AGPS: variants seen among roughly 807,000 people sequenced by gnomAD.
AGPS encodes alkylglycerone phosphate synthase, also known as alkyldihydroxyacetonephosphate synthase, peroxisomal.
AGPS carries 26 observed loss-of-function variants against 90.7 expected under a neutral mutation model. The observed-to-expected ratio is 0.29, with a 90% confidence interval of 0.21 to 0.40. AGPS has a LOEUF of 0.40. Among genes scored for constraint, AGPS ranks in the 10% least tolerant of loss-of-function variants. AGPS has a pLI of 1.00. For missense variants in AGPS, 540 were observed against 816.1 expected, an observed-to-expected ratio of 0.66 and a Z score of 4.12; for synonymous variants, 294 against 285.3, an observed-to-expected ratio of 1.03 and a Z score of -0.31.
chr2:177,458,577 GCTA>G (rs1687190554), intron 8 of AGPS, among the ~76,000 whole-genome samples: 1 of 152,130 alleles, frequency 6.6e-6, no homozygotes, highest in Admixed American at 6.5e-5. Flanking sequence ...ATTCACAATT[GCTA>G]CTAAGAGAAT....
At chr2:177,487,821 C>T (rs531605693) in intron 11 of AGPS, among the ~76,000 whole-genome samples, 16 of 152,150 alleles carry the variant, frequency 1.1e-4, no homozygotes, top group African/African-American at 3.4e-4. Flanking sequence ...CTACCAGAAG[C>T]CACTCAGAAC....
At chr2:177,439,059 C>T (rs1301326365) in intron 5 of AGPS, among the ~76,000 whole-genome samples, 5 of 152,008 alleles carry the variant, frequency 3.3e-5, no homozygotes, top group African/African-American at 1.2e-4. Flanking sequence ...AATCGGAATT[C>T]TATGTGTTGC....
chr2:177,518,092 C>T (rs1689072836), intron 17 of AGPS, among the ~76,000 whole-genome samples: 1 of 152,090 alleles, frequency 6.6e-6, no homozygotes, highest in Admixed American at 6.5e-5. Context: ...GTGGTACCTG[C>T]CAGGTTTCTC....
chr2:177,485,258 TTTG>T (rs1688061748), intron 11 of AGPS, among the ~76,000 whole-genome samples: 1 of 152,212 alleles, frequency 6.6e-6, no homozygotes, highest in African/African-American at 2.4e-5. Flanking sequence ...GTGTGCATAT[TTTG>T]TTTTCTTGAT....
Position 177,521,290 on chromosome 2 carries a change from A to T in AGPS, c.1719A>T (p.Ala573=), listed in dbSNP as rs771009367. 4 of 1,614,144 alleles carry T rather than the reference A, an allele frequency of 2.5e-6. No homozygotes were observed. Among genetic ancestry groups the T allele is most frequent in the Non-Finnish European group, 1.7e-6 (2 of 1,179,964 alleles). Residue 573 remains alanine (A), a synonymous_variant, in exon 18 of 20, where the codon GCA becomes GCT. Coordinates refer to ENST00000264167, the MANE Select transcript of AGPS (RefSeq NM_003659.4). ...TTAGGGTGACGCAGACTTACGATGC[A>T]GGTGCTTGTATCTACTTCTATTTTG... ...STCRVTQTYD[A]GACIYFYFAF... is the part of the protein sequence containing the mutation.
intron 18 of AGPS, among the ~76,000 whole-genome samples, chr2:177,523,540 G>T (rs1689262099): frequency 6.6e-6 from 1 of 152,092 alleles, no homozygotes; most frequent in African/African-American, 2.4e-5. Flanking sequence ...TTTAGACATT[G>T]TGACTATTCA....
At chr2:177,406,597 A>G (rs942048227) in intron 1 of AGPS, among the ~76,000 whole-genome samples, 2 of 152,234 alleles carry the variant, frequency 1.3e-5, no homozygotes, top group African/African-American at 4.8e-5. Flanking sequence ...GTGAAAATGT[A>G]GAGTGGTGCT....
chr2:177,433,839 G>C (rs1427618812), intron 2 of AGPS, among the ~76,000 whole-genome samples: 1 of 151,900 alleles, frequency 6.6e-6, no homozygotes, highest in African/African-American at 2.4e-5. Flanking sequence ...ATGCTATTCA[G>C]AGTCAGCCAG....
chr2:177,396,640 G>T (rs1207827957), intron 1 of AGPS, among the ~76,000 whole-genome samples: 1 of 152,194 alleles, frequency 6.6e-6, no homozygotes, highest in Non-Finnish European at 1.5e-5. Context: ...GGAGGCTGTT[G>T]TAACACAATA....
Position 177,393,278 on chromosome 2 carries a change from G to T in AGPS, c.260+229G>T, listed in dbSNP as rs549864171. 1.3e-5 allele frequency: 13 copies of T among 985,386 alleles called. No individual in the cohort carries two copies. In the South Asian group the frequency reaches 6.1e-4, roughly 46 times the overall value. 61.0% of individuals were successfully genotyped at this position (985,386 alleles called of 1,614,324 possible). A position where few individuals can be genotyped will look rare whatever the true frequency, so the allele number is the denominator to read the frequency against. On this transcript the variant is annotated intron_variant, in intron 1 of 19. Coordinates refer to ENST00000264167, the MANE Select transcript of AGPS (RefSeq NM_003659.4). ...TTTTGGTCACTATGTGAGGGTAACAGGCTTGAAGAACTCTCGTTGGAGAAG... is the reference window on the plus strand; with the variant it reads ...TTTTGGTCACTATGTGAGGGTAACATGCTTGAAGAACTCTCGTTGGAGAAG...
rs888201622 is a variant in AGPS, at chr2:177,423,671, A to G, written c.350+3313A>G. 2.0e-5 allele frequency among the ~76,000 whole-genome samples: 3 copies of G among 152,216 alleles called. No individual in the cohort carries two copies. In the East Asian group the frequency reaches 5.8e-4, roughly 29 times the overall value. On this transcript the variant is annotated intron_variant, in intron 2 of 19. Coordinates refer to ENST00000264167, the MANE Select transcript of AGPS (RefSeq NM_003659.4). ...ATGTAGTTGATTGTCTATATTTTGC[A>G]GGAGGGCGACTTTGACATTTCAAGC...
At chr2:177,485,234 G>C (rs1173840760) in intron 11 of AGPS, among the ~76,000 whole-genome samples, 1 of 152,104 alleles carries the variant, frequency 6.6e-6, no homozygotes, top group Non-Finnish European at 1.5e-5. Flanking sequence ...CACTCATAAA[G>C]CTTTTGATTA....
intron 3 of AGPS, among the ~76,000 whole-genome samples, chr2:177,435,285 A>C (rs972495281): frequency 1.3e-5 from 2 of 151,916 alleles, no homozygotes; most frequent in Non-Finnish European, 2.9e-5. Context: ...AAAAATCCAC[A>C]GTTATTTTAC....
At chr2:177,444,420 CAA>C (rs10618529) in intron 7 of AGPS, among the ~76,000 whole-genome samples, 29,995 of 90,218 alleles carry the variant, frequency 0.33, 2,642 homozygotes, top group East Asian at 0.42. Context: ...GACTCTGTCT[CAA>C]AAAAAAAAAA....
chr2:177,431,836 G>A (rs1407271333), intron 2 of AGPS, among the ~76,000 whole-genome samples: 2 of 152,104 alleles, frequency 1.3e-5, no homozygotes, highest in African/African-American at 4.8e-5. Flanking sequence ...AAACACACAT[G>A]TTTTACAGTC....
At chr2:177,397,139 ATCTTG>A (rs1685203205) in intron 1 of AGPS, among the ~76,000 whole-genome samples, 1 of 151,976 alleles carries the variant, frequency 6.6e-6, no homozygotes. Flanking sequence ...GGGTTTCACC[ATCTTG>A]GCCAGGCTGG....
At chr2:177,444,174 A>G (rs1371858996) in intron 7 of AGPS, among the ~76,000 whole-genome samples, 1 of 152,114 alleles carries the variant, frequency 6.6e-6, no homozygotes, top group Non-Finnish European at 1.5e-5. Context: ...TAATCCCAGC[A>G]CTTTGGGAGG....
chr2:177,449,643 T>TC (rs1686876573), intron 8 of AGPS, among the ~76,000 whole-genome samples: 1 of 152,198 alleles, frequency 6.6e-6, no homozygotes, highest in Admixed American at 6.5e-5. Context: ...CCCAGGCTGT[T>TC]CCTGAACTCC....
At chr2:177,415,230 T>C (rs1685753570) in intron 1 of AGPS, among the ~76,000 whole-genome samples, 1 of 152,218 alleles carries the variant, frequency 6.6e-6, no homozygotes, top group African/African-American at 2.4e-5. Context: ...CCAGCTACTC[T>C]TACAAACAAT....
Sources: gnomAD v4.1 joint callset for allele counts (sites outside exome capture counted in the v4.1 genomes callset) on GRCh38, gnomAD v4.1.1 for gene constraint, MANE v1.5 for transcripts, NCBI Gene and HGNC (gene_info 2026-07-23, HGNC 2026-07-21) for gene names.